The following RFC3 variants were observed in gnomAD, a reference collection of about 807,000 sequenced individuals.
RFC3 encodes A1 38 kDa subunit.
Under a neutral mutation model 45.1 loss-of-function variants are expected in RFC3, and 41 were observed. That is an observed-to-expected ratio of 0.91 (90% CI 0.71 to 1.18). The LOEUF (loss-of-function observed/expected upper bound fraction) is 1.18. Ranked by LOEUF, RFC3 falls within the 50% of genes most tolerant of loss-of-function variation. RFC3 has a pLI of 0.00. For missense variants in RFC3, 423 were observed against 428.1 expected, an observed-to-expected ratio of 0.99 and a Z score of 0.10; for synonymous variants, 149 against 144.0, an observed-to-expected ratio of 1.03 and a Z score of -0.25.
At chr13:33,977,096 G>C in the RFC3 span, among the ~76,000 whole-genome samples, 1 of 152,110 alleles carries the variant, frequency 6.6e-6, no homozygotes, top group African/African-American at 2.4e-5. Flanking sequence ...TTCCTGACCA[G>C]TATTCCTCAA....
intron 8 of RFC3, among the ~76,000 whole-genome samples, chr13:33,929,141 ATT>A (rs1202046383): frequency 6.6e-6 from 1 of 152,058 alleles, no homozygotes; most frequent in Non-Finnish European, 1.5e-5. Context: ...GATACTGTAA[ATT>A]TACCACGAAA....
At position 33,965,628 on chromosome 13, in the gene RFC3, G is replaced by A. The variant is rs1340945848; in HGVS notation, c.880-459G>A. Among the ~76,000 whole-genome samples, 3 of 152,274 alleles carry A rather than the reference G, an allele frequency of 2.0e-5. No individual in the cohort carries two copies. In the East Asian group the frequency reaches 5.8e-4, roughly 29 times the overall value. On this transcript the variant is annotated intron_variant, in intron 8 of 8. Coordinates refer to the RFC3 transcript ENST00000434425. ...AAGATGTCTATATATTATTGTTATT[G>A]CATTTTTATAATGAAAAGGCCAAGG...
chr13:33,961,816 C>A (rs1459527913), intron 8 of RFC3, among the ~76,000 whole-genome samples: 1 of 152,156 alleles, frequency 6.6e-6, no homozygotes, highest in Admixed American at 6.6e-5. Flanking sequence ...GCTTTGGAAG[C>A]CTTGCATCTC....
chr13:33,977,138 C>G, the RFC3 span, among the ~76,000 whole-genome samples: 1 of 152,104 alleles, frequency 6.6e-6, no homozygotes, highest in African/African-American at 2.4e-5. Context: ...CAATGAAAGT[C>G]TGAGAAACTG....
At chr13:33,893,823 T>C (rs747533776) in intron 8 of RFC3, among the ~76,000 whole-genome samples, 13 of 151,578 alleles carry the variant, frequency 8.6e-5, no homozygotes, top group Non-Finnish European at 1.9e-4. Flanking sequence ...TTTGAAAATA[T>C]GGTTAGGAGA....
At chr13:33,947,425 C>T (rs1306159933) in intron 8 of RFC3, among the ~76,000 whole-genome samples, 3 of 152,070 alleles carry the variant, frequency 2.0e-5, no homozygotes, top group Non-Finnish European at 2.9e-5. Flanking sequence ...TATAAATTAC[C>T]CAGTCTCTAG....
chr13:33,892,443 T>C (rs1248531617), intron 8 of RFC3, among the ~76,000 whole-genome samples: 1 of 152,188 alleles, frequency 6.6e-6, no homozygotes, highest in Non-Finnish European at 1.5e-5. Flanking sequence ...CAAATAAAAC[T>C]GTAAGCATTC....
chr13:33,890,274 G>A lies in RFC3; in HGVS notation c.879+55057G>A, dbSNP rs193272287. Reference sequence around the variant, plus strand: ...GTTAATTTATGAGTTCAGTCATTTGGCCAGAGCCTACACCAATTTTCCATT... The same window carrying A: ...GTTAATTTATGAGTTCAGTCATTTGACCAGAGCCTACACCAATTTTCCATT... On this transcript the variant is annotated intron_variant, in intron 8 of 8. Coordinates refer to the RFC3 transcript ENST00000434425. 2.2e-4 allele frequency among the ~76,000 whole-genome samples: 34 copies of A among 152,098 alleles called. No homozygotes were observed. In the East Asian group the frequency reaches 6.4e-3, roughly 29 times the overall value.
chr13:33,840,595 TGTG>T (rs1347901726), downstream of RFC3, among the ~76,000 whole-genome samples: 5 of 36,150 alleles, frequency 1.4e-4, no homozygotes, highest in Non-Finnish European at 4.5e-4. Flanking sequence ...TTTTTTTGTG[TGTG>T]TTTTTTTTTA....
At chr13:33,880,865 G>A (rs186983784) in intron 8 of RFC3, among the ~76,000 whole-genome samples, 1 of 152,120 alleles carries the variant, frequency 6.6e-6, no homozygotes, top group African/African-American at 2.4e-5. Flanking sequence ...AGACCAGCCT[G>A]GCCAATATAG....
At chr13:33,924,908 C>A (rs1219191289) in intron 8 of RFC3, among the ~76,000 whole-genome samples, 1 of 149,876 alleles carries the variant, frequency 6.7e-6, no homozygotes, top group East Asian at 2.0e-4. Context: ...ATGTTCCCAC[C>A]AAAAGACAAA....
chr13:33,924,388 A>G (rs548444039), intron 8 of RFC3, among the ~76,000 whole-genome samples: 2 of 152,122 alleles, frequency 1.3e-5, no homozygotes, highest in South Asian at 4.1e-4. Flanking sequence ...GTCAAATCCT[A>G]CCTGCTGACT....
chr13:33,931,345 C>T (rs778399953), intron 8 of RFC3, among the ~76,000 whole-genome samples: 24 of 152,114 alleles, frequency 1.6e-4, no homozygotes, highest in Non-Finnish European at 2.8e-4. Context: ...CTGTTAAACA[C>T]AGGAGCGGGT....
At chr13:33,911,302 C>T (rs1418078406) in intron 8 of RFC3, among the ~76,000 whole-genome samples, 1 of 152,038 alleles carries the variant, frequency 6.6e-6, no homozygotes, top group Non-Finnish European at 1.5e-5. Flanking sequence ...GGGAGAACAG[C>T]CTGCTGTAAG....
rs775951678 is a variant in RFC3 at position 33,836,142 on chromosome 13, A to G, written c.918A>G (p.Gln306=). 1.2e-6 allele frequency: 2 copies of G among 1,613,002 alleles called. No homozygotes were observed. Among genetic ancestry groups the G allele is most frequent in the South Asian group, 1.1e-5 (1 of 91,050 alleles). Residue 306 remains glutamine, a synonymous_variant, in exon 9 of 9, where the codon CAA becomes CAG. Coordinates refer to ENST00000380071, the MANE Select transcript of RFC3 (RefSeq NM_002915.4). ...LSELLHNCDG[Q]LKGEVAQMAA... is the part of the protein sequence containing the mutation. ...AACTGTTACATAATTGTGATGGACA[A>G]CTGAAAGGGGAGGTGGCACAAATGG...
At chr13:33,831,113 C>G (rs1040437160) in intron 6 of RFC3, 143 bp from the exon 7 acceptor site, 1 of 630,046 alleles carries the variant, frequency 1.6e-6, no homozygotes, top group African/African-American at 1.8e-5. Flanking sequence ...AGGTGGAACT[C>G]AGGCCATAAT....
chr13:33,830,777 T>TC lies in RFC3; in HGVS notation c.632_633insC (p.Ala212GlyfsTer3). 2 of 1,613,554 alleles carry TC rather than the reference T, an allele frequency of 1.2e-6. No individual in the cohort carries two copies. Among genetic ancestry groups the TC allele is most frequent in the Non-Finnish European group, 1.7e-6 (2 of 1,179,480 alleles). ...GAAGGTCTGAATCTTCCTTCACAAC[T>TC]GGCTCATAGACTTGCAGAGAAGTCT... On this transcript the variant is annotated frameshift_variant, in exon 6 of 9. Coordinates refer to ENST00000380071, the MANE Select transcript of RFC3 (RefSeq NM_002915.4). LOFTEE classifies it high-confidence loss of function.
intron 8 of RFC3, among the ~76,000 whole-genome samples, chr13:33,908,860 A>G (rs188842849): frequency 6.6e-5 from 10 of 152,168 alleles, no homozygotes; most frequent in African/African-American, 2.4e-4. Context: ...TCAATGTTTA[A>G]AAGCAGAAAA....
At chr13:33,829,741 T>A in intron 4 of RFC3, 95 bp from the exon 5 acceptor site, 1 of 950,210 alleles carries the variant, frequency 1.1e-6, no homozygotes, top group Non-Finnish European at 1.7e-6. Context: ...GCTTATTATT[T>A]AGGATTTCAT....
Sources: gnomAD v4.1 joint callset for allele counts (sites outside exome capture counted in the v4.1 genomes callset) on GRCh38, gnomAD v4.1.1 for gene constraint, MANE v1.5 for transcripts, NCBI Gene and HGNC (gene_info 2026-07-23, HGNC 2026-07-21) for gene names.